Variants in SNTB1 observed in about 807,000 individuals in gnomAD.
SNTB1 encodes syntrophin beta 1.
Under a neutral mutation model 48.9 loss-of-function variants are expected in SNTB1, and 36 were observed. That is an observed-to-expected ratio of 0.74 (90% CI 0.56 to 0.97). The LOEUF (loss-of-function observed/expected upper bound fraction) is 0.97, where lower values mean the gene tolerates loss of function less well. SNTB1 is among the 50% of genes least tolerant of loss of function. The pLI, the probability that SNTB1 is intolerant of heterozygous loss-of-function variation, is 0.00. For synonymous variants in SNTB1, 299 were observed against 294.6 expected, an observed-to-expected ratio of 1.01 and a Z score of -0.15; for missense variants, 786 against 703.4, an observed-to-expected ratio of 1.12 and a Z score of -1.33.
rs193074011 is a variant in SNTB1, at chr8:120,598,901, A to C, written c.997-23676T>G. ...ATCGCACGGCTCCTCCTCTGTGTGA[A>C]GTCTCCCTTGGCCTCCCTCTTATAA... On this transcript the variant is annotated intron_variant, in intron 3 of 6. Coordinates refer to ENST00000517992, the MANE Select transcript of SNTB1 (RefSeq NM_021021.4). Among the ~76,000 whole-genome samples the C allele has an allele frequency of 2.4e-4, 37 of 152,256 alleles. No individual in the cohort carries two copies. The East Asian group carries it at 7.1e-3, about 29-fold the overall frequency.
chr8:120,739,654 G>C (rs1196853563), intron 1 of SNTB1, among the ~76,000 whole-genome samples: 3 of 152,098 alleles, frequency 2.0e-5, no homozygotes, highest in Non-Finnish European at 4.4e-5. Context: ...AAAAGTTCAG[G>C]GTTCTCTGTG....
intron 1 of SNTB1, among the ~76,000 whole-genome samples, chr8:120,737,223 A>C (rs1243926532): frequency 6.6e-6 from 1 of 152,022 alleles, no homozygotes; most frequent in African/African-American, 2.4e-5. Flanking sequence ...AATCCTCTCA[A>C]CCTTGCAAGG....
intron 2 of SNTB1, among the ~76,000 whole-genome samples, chr8:120,670,934 C>G (rs1332645163): frequency 6.6e-6 from 1 of 152,206 alleles, no homozygotes; most frequent in Non-Finnish European, 1.5e-5. Flanking sequence ...GTAAAATGCT[C>G]AAAGTTATCA....
chr8:120,590,071 A>G (rs1338977610), intron 3 of SNTB1, among the ~76,000 whole-genome samples: 1 of 152,190 alleles, frequency 6.6e-6, no homozygotes, highest in African/African-American at 2.4e-5. Flanking sequence ...GTCAATATCC[A>G]AGTTCACATT....
At chr8:120,804,112 T>C (rs977482792) in intron 1 of SNTB1, among the ~76,000 whole-genome samples, 1 of 152,140 alleles carries the variant, frequency 6.6e-6, no homozygotes, top group Admixed American at 6.5e-5. Flanking sequence ...TCCAGTAGTA[T>C]GAGTGGTGGA....
At chr8:120,719,985 A>G (rs1192471875) in intron 1 of SNTB1, among the ~76,000 whole-genome samples, 3 of 152,208 alleles carry the variant, frequency 2.0e-5, no homozygotes, top group Non-Finnish European at 4.4e-5. Context: ...TTAAAATTTT[A>G]TACTTCCTTC....
chr8:120,537,567 T>G lies in SNTB1; in HGVS notation c.*1310A>C, dbSNP rs1469247504. The G allele has an allele frequency of 6.6e-6, 1 of 152,204 alleles. No individual in the cohort carries two copies. Among genetic ancestry groups the G allele is most frequent in the Admixed American group, 6.5e-5 (1 of 15,280 alleles). 9.4% of individuals were successfully genotyped at this position (152,204 alleles called of 1,614,324 possible). ...ATATGATTCTTTAAAAACACACAGG[T>G]CTAACAACAGATGTCTGTCTATGTA... is the stretch of plus-strand genomic sequence containing the variant. On this transcript the variant is annotated 3_prime_UTR_variant, in exon 7 of 7. Transcript: ENST00000517992.
intron 2 of SNTB1, among the ~76,000 whole-genome samples, chr8:120,650,509 G>T (rs1443277794): frequency 6.6e-6 from 1 of 152,010 alleles, no homozygotes; most frequent in Non-Finnish European, 1.5e-5. Flanking sequence ...AGAGAAGAAA[G>T]GTCTACAAAA....
Position 120,722,225 on chromosome 8 carries a change from T to G in SNTB1, c.572-28317A>C, listed in dbSNP as rs552936541. ...AAACATACGTGCACATGTGTCTTTA[T>G]AGTAGCATGATTTATAATCCTTTCG... On this transcript the variant is annotated intron_variant, in intron 1 of 6. Transcript: ENST00000517992. Among the ~76,000 whole-genome samples the G allele has an allele frequency of 6.6e-5, 10 of 152,340 alleles. No homozygotes were observed. In the South Asian group the frequency reaches 2.1e-3, roughly 32 times the overall value.
At chr8:120,709,627 G>T (rs980201447) in intron 1 of SNTB1, among the ~76,000 whole-genome samples, 4 of 152,128 alleles carry the variant, frequency 2.6e-5, no homozygotes, top group African/African-American at 9.7e-5. Context: ...GTTTACAGAT[G>T]AAGACACAGA....
At chr8:120,568,723 A>G (rs1815793689) in intron 4 of SNTB1, among the ~76,000 whole-genome samples, 1 of 152,238 alleles carries the variant, frequency 6.6e-6, no homozygotes, top group African/African-American at 2.4e-5. Context: ...ATGAATAGCC[A>G]GTGCCACCTA....
intron 1 of SNTB1, among the ~76,000 whole-genome samples, chr8:120,746,355 C>T (rs947696824): frequency 1.3e-5 from 2 of 151,768 alleles, no homozygotes; most frequent in Non-Finnish European, 2.9e-5. Context: ...ATATATATAA[C>T]ATACATAATA....
chr8:120,681,800 C>T (rs1317520469), intron 2 of SNTB1, among the ~76,000 whole-genome samples: 1 of 152,114 alleles, frequency 6.6e-6, no homozygotes, highest in Non-Finnish European at 1.5e-5. Context: ...TAGGTTCCAA[C>T]ATGTTTTACT....
chr8:120,666,174 A>G (rs1304656871), intron 2 of SNTB1, among the ~76,000 whole-genome samples: 1 of 152,190 alleles, frequency 6.6e-6, no homozygotes, highest in East Asian at 1.9e-4. Context: ...AACATTATGT[A>G]GTTATTCCTT....
intron 4 of SNTB1, among the ~76,000 whole-genome samples, chr8:120,561,341 GAA>G (rs1382556427): frequency 4.5e-5 from 3 of 67,384 alleles, no homozygotes; most frequent in Non-Finnish European, 9.6e-5. Context: ...AAAAAAAAAA[GAA>G]AAAAAGAAAA....
At chr8:120,703,924 T>C (rs1033176525) in intron 1 of SNTB1, among the ~76,000 whole-genome samples, 16 of 152,236 alleles carry the variant, frequency 1.1e-4, no homozygotes, top group Admixed American at 9.8e-4. Flanking sequence ...TACGCCTACC[T>C]TATAAGAAAG....
intron 1 of SNTB1, among the ~76,000 whole-genome samples, chr8:120,694,865 G>A (rs190828759): frequency 5.9e-5 from 9 of 152,078 alleles, no homozygotes; most frequent in Admixed American, 2.0e-4. Flanking sequence ...TCATTTTCAT[G>A]TTTAACCATA....
rs1818061114 is a variant in SNTB1, at chr8:120,688,088, T to A, written c.788+5604A>T. On this transcript the variant is annotated intron_variant, in intron 2 of 6. Coordinates refer to ENST00000517992, the MANE Select transcript of SNTB1 (RefSeq NM_021021.4). Reference sequence around the variant, plus strand: ...ACCAAGACAGCACTTTCTGTGAATGTTTCATTTGTGCACCATTAATAGAGA... The same window carrying A: ...ACCAAGACAGCACTTTCTGTGAATGATTCATTTGTGCACCATTAATAGAGA... 8.5e-5 allele frequency among the ~76,000 whole-genome samples: 13 copies of A among 152,182 alleles called. No homozygotes were observed. The South Asian group carries it at 2.7e-3, about 32-fold the overall frequency.
intron 1 of SNTB1, among the ~76,000 whole-genome samples, chr8:120,748,464 A>C (rs4242323): frequency 0.13 from 19,755 of 152,202 alleles, 1,664 homozygotes; most frequent in African/African-American, 0.23. Flanking sequence ...TAAAGACTAG[A>C]GGGAAAGGGA....
Sources: allele counts gnomAD v4.1 joint callset (sites outside exome capture counted in the v4.1 genomes callset), GRCh38; gene constraint gnomAD v4.1.1; transcripts MANE v1.5; gene names NCBI Gene and HGNC (gene_info 2026-07-23, HGNC 2026-07-21).